Variants in PTPN1 observed in about 807,000 individuals in gnomAD.
PTPN1 encodes the protein protein tyrosine phosphatase non-receptor type 1.
In PTPN1, 12 loss-of-function variants were observed where a neutral mutation model predicts 59.9. The ratio of observed to expected loss-of-function variants is 0.20; its 90% CI spans 0.13 to 0.32. The LOEUF (loss-of-function observed/expected upper bound fraction) is 0.32, where lower values mean the gene tolerates loss of function less well. PTPN1 is among the 10% of genes least tolerant of loss of function. The pLI, the probability that PTPN1 is intolerant of heterozygous loss-of-function variation, is 1.00. For synonymous variants in PTPN1, 178 were observed against 203.6 expected, an observed-to-expected ratio of 0.87 and a Z score of 1.07; for missense variants, 356 against 549.2, an observed-to-expected ratio of 0.65 and a Z score of 3.52.
intron 1 of PTPN1, among the ~76,000 whole-genome samples, chr20:50,544,162 AT>A (rs924852206): frequency 1.1e-4 from 17 of 151,746 alleles, no homozygotes; most frequent in African/African-American, 4.1e-4. Context: ...TTCAGTATTA[AT>A]TTTTTTTAAA....
chr20:50,531,875 C>T (rs1426997965), intron 1 of PTPN1, among the ~76,000 whole-genome samples: 1 of 152,228 alleles, frequency 6.6e-6, no homozygotes, highest in Non-Finnish European at 1.5e-5. Context: ...CTACCACTAG[C>T]AATTACTGAC....
intron 8 of PTPN1, among the ~76,000 whole-genome samples, chr20:50,580,868 T>G (rs1348844492): frequency 2.0e-5 from 3 of 152,196 alleles, no homozygotes; most frequent in Non-Finnish European, 4.4e-5. Context: ...ATTCTGTAGC[T>G]CTTAAAGAAT....
chr20:50,530,175 ATTTTTTTT>A (rs781236833), intron 1 of PTPN1, among the ~76,000 whole-genome samples: 1 of 121,092 alleles, frequency 8.3e-6, no homozygotes, highest in African/African-American at 3.1e-5. Context: ...TGCCTGGCTG[ATTTTTTTT>A]TTTTTTTTTT....
rs531385574 is a variant in PTPN1, at chr20:50,561,940, T to TC, written c.154+490dup. 6.7e-3 allele frequency among the ~76,000 whole-genome samples: 1,026 copies of TC among 152,318 alleles called. 9 individuals are homozygous for TC. Among genetic ancestry groups the TC allele is most frequent in the Middle Eastern group, 0.027 (8 of 294 alleles). On this transcript the variant is annotated intron_variant, in intron 2 of 9. Coordinates refer to ENST00000371621, the MANE Select transcript of PTPN1 (RefSeq NM_002827.4). Reference sequence around the variant, plus strand: ...ACCCCCGCCAACCTCATCATTTTTCTCCCTCTTTCCTGCTGTTAGTTCTTC... The same window carrying TC: ...ACCCCCGCCAACCTCATCATTTTTCTCCCCTCTTTCCTGCTGTTAGTTCTTC...
intron 1 of PTPN1, among the ~76,000 whole-genome samples, chr20:50,546,013 A>G (rs191755197): frequency 7.8e-4 from 118 of 152,180 alleles, no homozygotes; most frequent in African/African-American, 2.6e-3. Context: ...ACTCCACTCT[A>G]GGTGACAGAG....
intron 1 of PTPN1, among the ~76,000 whole-genome samples, chr20:50,528,697 G>A (rs1409230099): frequency 7.5e-6 from 1 of 132,680 alleles, no homozygotes; most frequent in African/African-American, 2.9e-5. Flanking sequence ...CTGGGTGACA[G>A]AGTGAGACTC....
chr20:50,558,892 T>C (rs2082737747), intron 1 of PTPN1, among the ~76,000 whole-genome samples: 2 of 152,148 alleles, frequency 1.3e-5, no homozygotes, highest in African/African-American at 4.8e-5. Context: ...TTGGTCTTCC[T>C]CTCCCATCCC....
chr20:50,518,769 T>C (rs2082539366), intron 1 of PTPN1, among the ~76,000 whole-genome samples: 1 of 152,174 alleles, frequency 6.6e-6, no homozygotes, highest in South Asian at 2.1e-4. Flanking sequence ...GTGTTAAGGA[T>C]CATGCTCCGA....
chr20:50,553,108 G>A (rs1009516115), intron 1 of PTPN1, among the ~76,000 whole-genome samples: 7 of 151,996 alleles, frequency 4.6e-5, no homozygotes, highest in African/African-American at 1.5e-4. Flanking sequence ...TTTTATGTTT[G>A]GTTCTTTGCT....
intron 1 of PTPN1, among the ~76,000 whole-genome samples, chr20:50,510,993 C>T (rs574579950): frequency 1.6e-4 from 24 of 152,094 alleles, no homozygotes; most frequent in Non-Finnish European, 2.2e-4. Flanking sequence ...CTTCCTTTGT[C>T]TCCCTGGGGG....
In PTPN1 at chr20:50,582,586, C is replaced by T; in HGVS notation, c.1285-106C>T. ...AAATAAAACCAAAACCCCCTTTGCT[C>T]CCTCGGAGGTTGAAGTTGCCGGGGG... On this transcript the variant is annotated intron_variant, in intron 9 of 9. Coordinates refer to ENST00000371621, the MANE Select transcript of PTPN1 (RefSeq NM_002827.4). The surrounding 1 kb of genome is among the most constrained non-coding windows in gnomAD (Gnocchi z 4.2). The T allele has an allele frequency of 1.7e-6, 2 of 1,167,228 alleles. No homozygotes were observed. Among genetic ancestry groups the T allele is most frequent in the Non-Finnish European group, 1.2e-6 (1 of 801,514 alleles). 72.3% of individuals were successfully genotyped at this position (1,167,228 alleles called of 1,614,324 possible).
intron 1 of PTPN1, among the ~76,000 whole-genome samples, chr20:50,551,026 A>G (rs1601402465): frequency 1.3e-5 from 2 of 152,250 alleles, no homozygotes. Flanking sequence ...CTCTAATCAA[A>G]TATTGCCAGC....
chr20:50,533,973 C>T (rs6091176), intron 1 of PTPN1, among the ~76,000 whole-genome samples: 37,303 of 152,020 alleles, frequency 0.25, 4,658 homozygotes, highest in Admixed American at 0.32. Flanking sequence ...CTCTCTTGCC[C>T]AGGCTAAAGT....
In PTPN1 at chr20:50,510,440, G is replaced by A; in HGVS notation, c.-88G>A. 7.0e-7 allele frequency: 1 copy of A among 1,420,662 alleles called. No individual in the cohort carries two copies. Among genetic ancestry groups the A allele is most frequent in the South Asian group, 1.3e-5 (1 of 78,864 alleles). The allele number at this position is 1,420,662 out of a possible 1,614,324, so 88.0% of individuals were successfully genotyped here. On this transcript the variant is annotated 5_prime_UTR_variant, in exon 1 of 10. Transcript: ENST00000371621. ...GCTGCAGGGGTCGGGGATTGCAGCG[G>A]GCCTCGGGGCTAAGAGCGCGACGCG...
Position 50,584,872 on chromosome 20 carries a change from G to A in PTPN1, c.*2157G>A, listed in dbSNP as rs1366046456. ...TGAAACAGATGTTGTCAATCAGCTG[G>A]GGTTAGAGTTTTCCACTTCTAAGAA... On this transcript the variant is annotated 3_prime_UTR_variant, in exon 10 of 10. Transcript: ENST00000371621. 1 of 152,222 alleles carries A rather than the reference G, an allele frequency of 6.6e-6. No individual in the cohort carries two copies. The highest frequency in any genetic ancestry group is 1.5e-5 in the Non-Finnish European group (1 of 68,012). The allele number at this position is 152,222 out of a possible 1,614,324, so 9.4% of individuals were successfully genotyped here.
At chr20:50,571,119 C>T (rs1056529514) in intron 4 of PTPN1, 5 of 152,186 alleles carry the variant, frequency 3.3e-5, no homozygotes, top group South Asian at 2.1e-4. Context: ...GAGCAGTGTC[C>T]AGTGCTGTAG....
intron 1 of PTPN1, among the ~76,000 whole-genome samples, chr20:50,548,734 G>A (rs2082687371): frequency 6.6e-6 from 1 of 152,064 alleles, no homozygotes. Flanking sequence ...ATTCTAATTT[G>A]AGAGGGAGTC....
chr20:50,537,992 C>T (rs1601395835), intron 1 of PTPN1, among the ~76,000 whole-genome samples: 1 of 152,102 alleles, frequency 6.6e-6, no homozygotes, highest in Non-Finnish European at 1.5e-5. Context: ...TGCTCTTCAT[C>T]TTGAGTGGAT....
chr20:50,577,271 C>T (rs747939885), intron 5 of PTPN1, among the ~76,000 whole-genome samples: 4 of 152,296 alleles, frequency 2.6e-5, no homozygotes, highest in Admixed American at 6.5e-5. Context: ...CAGTGACTGG[C>T]ACATGATTGG....
Sources: gnomAD v4.1 joint callset for allele counts (sites outside exome capture counted in the v4.1 genomes callset) on GRCh38, gnomAD v4.1.1 for gene constraint, Gnocchi (gnomAD v3.1) non-coding constraint, MANE v1.5 for transcripts, NCBI Gene and HGNC (gene_info 2026-07-23, HGNC 2026-07-21) for gene names.